Variants in EXOC6 observed in about 807,000 individuals in gnomAD.
EXOC6 encodes exocyst complex component 6, also known as SEC15-like 1.
A neutral mutation model predicts 112.5 loss-of-function variants in EXOC6; 60 were observed. The ratio of observed to expected loss-of-function variants is 0.53; its 90% CI spans 0.43 to 0.66. The LOEUF is 0.66. EXOC6 is among the 30% of genes least tolerant of loss of function. EXOC6 has a pLI of 0.00. For missense variants in EXOC6, 855 were observed against 957.1 expected (o/e 0.89, Z 1.41); for synonymous variants, 295 against 308.0 (o/e 0.96, Z 0.44).
At chr10:92,874,024 G>A (rs1848574605) in intron 1 of EXOC6, among the ~76,000 whole-genome samples, 1 of 150,248 alleles carries the variant, frequency 6.7e-6, no homozygotes, top group East Asian at 2.0e-4. Context: ...TTGCACTTCA[G>A]CCTAGGCGAC....
At chr10:92,986,564 G>A (rs1285997752) in intron 18 of EXOC6, among the ~76,000 whole-genome samples, 1 of 151,366 alleles carries the variant, frequency 6.6e-6, no homozygotes, top group African/African-American at 2.4e-5. Flanking sequence ...CCCATATGGA[G>A]GGGGACCTTC....
chr10:92,901,543 G>A (rs749363636), intron 5 of EXOC6: 11 of 149,836 alleles, frequency 7.3e-5, no homozygotes, highest in Non-Finnish European at 1.5e-4. Context: ...AACTTCTCAA[G>A]CCAATTCCTG....
At chr10:92,944,763 A>G (rs977685350) in intron 13 of EXOC6, among the ~76,000 whole-genome samples, 5 of 145,150 alleles carry the variant, frequency 3.4e-5, no homozygotes, top group Non-Finnish European at 7.5e-5. Context: ...GTGAGGTGAT[A>G]CCTCGTTGTA....
chr10:93,030,819 TC>T (rs1845236989), intron 20 of EXOC6, among the ~76,000 whole-genome samples: 1 of 152,242 alleles, frequency 6.6e-6, no homozygotes, highest in Non-Finnish European at 1.5e-5. Context: ...TCTGTGTTTT[TC>T]TGTTTGTTGT....
intron 7 of EXOC6, among the ~76,000 whole-genome samples, chr10:92,918,416 CT>C (rs34709274): frequency 0.12 from 17,494 of 141,572 alleles, 999 homozygotes; most frequent in Admixed American, 0.18. Flanking sequence ...ATGTGCATTT[CT>C]TTTTTTTTTT....
intron 9 of EXOC6, among the ~76,000 whole-genome samples, chr10:92,933,256 G>A (rs544482074): frequency 2.6e-5 from 4 of 152,234 alleles, no homozygotes; most frequent in Admixed American, 1.3e-4. Context: ...ATATGTGTCA[G>A]TATCTTCTAA....
intron 1 of EXOC6, among the ~76,000 whole-genome samples, chr10:92,827,834 C>T (rs1846411442): frequency 6.6e-6 from 1 of 152,136 alleles, no homozygotes. Flanking sequence ...CCCAATTCAA[C>T]GCTGACCTCT....
intron 9 of EXOC6, among the ~76,000 whole-genome samples, chr10:92,931,115 G>GA (rs60087746): frequency 0.034 from 2,410 of 70,598 alleles, 44 homozygotes; most frequent in African/African-American, 0.064. Flanking sequence ...CATCTCAGAA[G>GA]AAAAAAAAAA....
At chr10:92,902,081 TACAC>T (rs144352636) in intron 5 of EXOC6, among the ~76,000 whole-genome samples, 19 of 147,378 alleles carry the variant, frequency 1.3e-4, no homozygotes, top group East Asian at 9.8e-4. Flanking sequence ...CACACACACA[TACAC>T]ACACACACAC....
At chr10:93,058,185 T>G in intron 21 of EXOC6, 38 bp from the exon 22 acceptor site, 1 of 1,578,910 alleles carries the variant, frequency 6.3e-7, no homozygotes. Flanking sequence ...GCTTTTAATT[T>G]TCTTTTACCA....
chr10:93,055,006 T>C (rs1846474051), intron 20 of EXOC6, among the ~76,000 whole-genome samples: 2 of 152,188 alleles, frequency 1.3e-5, no homozygotes, highest in South Asian at 4.1e-4. Flanking sequence ...AATCATTCTT[T>C]TTTAAAAATT....
intron 9 of EXOC6, among the ~76,000 whole-genome samples, chr10:92,931,266 A>C (rs149143364): frequency 0.013 from 1,975 of 152,066 alleles, 42 homozygotes; most frequent in African/African-American, 0.045. Flanking sequence ...AAACCAATTT[A>C]AAAATGGACA....
chr10:93,029,349 A>G (rs975470662), intron 20 of EXOC6, among the ~76,000 whole-genome samples: 6 of 152,208 alleles, frequency 3.9e-5, no homozygotes, highest in Non-Finnish European at 5.9e-5. Flanking sequence ...AACCAGACAT[A>G]TAGTATCTCC....
chr10:92,975,672 T>C, intron 18 of EXOC6, among the ~76,000 whole-genome samples: 3 of 108,588 alleles, frequency 2.8e-5, no homozygotes, highest in Non-Finnish European at 5.7e-5. Context: ...GGGGCGCCTC[T>C]GCCCGGCAGC....
chr10:92,991,495 G>A (rs1432256743), intron 18 of EXOC6, among the ~76,000 whole-genome samples: 2 of 150,680 alleles, frequency 1.3e-5, no homozygotes, highest in Non-Finnish European at 2.9e-5. Context: ...GGACTGCCAT[G>A]GCAGAAGCAG....
chr10:92,953,163 C>T (rs773608955), intron 15 of EXOC6, among the ~76,000 whole-genome samples: 1 of 152,102 alleles, frequency 6.6e-6, no homozygotes, highest in Non-Finnish European at 1.5e-5. Flanking sequence ...ACTGCAGCCT[C>T]GATCTCCTGG....
intron 14 of EXOC6, 51 bp from the exon 15 acceptor site, chr10:92,952,222 C>A: frequency 9.0e-7 from 1 of 1,114,434 alleles, no homozygotes. Context: ...TAGTGATTAG[C>A]ATGTCTTTTT....
chr10:92,854,343 A>G (rs1489858073), intron 1 of EXOC6, among the ~76,000 whole-genome samples: 4 of 151,844 alleles, frequency 2.6e-5, no homozygotes, highest in South Asian at 2.1e-4. Flanking sequence ...AGGCTGAGGC[A>G]GGGGAATCAC....
At chr10:92,987,531 T>C (rs1306057614) in intron 18 of EXOC6, 39 of 564,012 alleles carry the variant, frequency 6.9e-5, no homozygotes, top group Non-Finnish European at 8.5e-5. Flanking sequence ...ATATTCCCTT[T>C]TGCTACTTTA....
Sources: gnomAD v4.1 joint callset for allele counts (sites outside exome capture counted in the v4.1 genomes callset) on GRCh38, gnomAD v4.1.1 for gene constraint, MANE v1.5 for transcripts, NCBI Gene and HGNC (gene_info 2026-07-23, HGNC 2026-07-21) for gene names.